PRKG1: variants seen among roughly 807,000 people sequenced by gnomAD.
PRKG1 encodes protein kinase cGMP-dependent 1.
Under a neutral mutation model 88.1 loss-of-function variants are expected in PRKG1, and 35 were observed. The observed-to-expected ratio is 0.40, with a 90% confidence interval of 0.30 to 0.53. PRKG1 has a LOEUF of 0.53. Ranked by LOEUF, PRKG1 falls within the 20% of genes least tolerant of loss-of-function variation. The pLI is 0.59. For missense variants in PRKG1, 540 were observed against 839.8 expected (o/e 0.64, Z 4.41); for synonymous variants, 303 against 292.5 (o/e 1.04, Z -0.37).
chr10:52,266,641 G>C (rs375908204), intron 10 of PRKG1, among the ~76,000 whole-genome samples: 1 of 151,816 alleles, frequency 6.6e-6, no homozygotes. Flanking sequence ...GGTTGCAGTC[G>C]GAACAAAGAA....
chr10:51,242,409 T>C (rs1328927387), intron 2 of PRKG1, among the ~76,000 whole-genome samples: 1 of 152,108 alleles, frequency 6.6e-6, no homozygotes, highest in African/African-American at 2.4e-5. Flanking sequence ...TTGGATAGGG[T>C]ATAATACTAG....
intron 5 of PRKG1, among the ~76,000 whole-genome samples, chr10:51,981,947 A>G (rs1844020948): frequency 6.6e-6 from 1 of 152,168 alleles, no homozygotes; most frequent in Non-Finnish European, 1.5e-5. Context: ...CTTCAGGGAC[A>G]CCAGTGAGTT....
intron 3 of PRKG1, among the ~76,000 whole-genome samples, chr10:51,629,218 A>G (rs1839461919): frequency 6.6e-6 from 1 of 152,038 alleles, no homozygotes; most frequent in Non-Finnish European, 1.5e-5. Context: ...TTTGAAAGTA[A>G]TTGCTCTAAA....
intron 5 of PRKG1, among the ~76,000 whole-genome samples, chr10:52,020,408 TA>T (rs1324457514): frequency 1.3e-5 from 2 of 152,124 alleles, no homozygotes; most frequent in African/African-American, 2.4e-5. Context: ...AGCAACTCCA[TA>T]AGAGTCTATA....
chr10:51,722,869 G>A (rs74476756), intron 3 of PRKG1, among the ~76,000 whole-genome samples: 2 of 152,066 alleles, frequency 1.3e-5, no homozygotes, highest in African/African-American at 2.4e-5. Flanking sequence ...TCTCAGTCTC[G>A]CAGAAAAGTT....
At chr10:51,516,492 C>T (rs1179618728) in intron 3 of PRKG1, among the ~76,000 whole-genome samples, 1 of 152,080 alleles carries the variant, frequency 6.6e-6, no homozygotes, top group Non-Finnish European at 1.5e-5. Context: ...GAAGTTCCCA[C>T]TTTGGGCCAT....
At chr10:52,286,458 G>A (rs1398564947) in intron 14 of PRKG1, among the ~76,000 whole-genome samples, 1 of 151,922 alleles carries the variant, frequency 6.6e-6, no homozygotes, top group Non-Finnish European at 1.5e-5. Flanking sequence ...AAGCATTCAG[G>A]AATAGAAAAA....
chr10:51,749,728 A>G (rs2132507028), intron 3 of PRKG1, among the ~76,000 whole-genome samples: 1 of 152,084 alleles, frequency 6.6e-6, no homozygotes, highest in South Asian at 2.1e-4. Context: ...TTCTCAATAC[A>G]TTTTTCCCAA....
intron 1 of PRKG1, among the ~76,000 whole-genome samples, chr10:51,095,862 T>A (rs1211985046): frequency 6.6e-6 from 1 of 152,166 alleles, no homozygotes; most frequent in East Asian, 1.9e-4. Flanking sequence ...TTCATTTTAT[T>A]GAAGTCATAT....
chr10:51,197,828 A>T (rs1837809653), intron 2 of PRKG1, among the ~76,000 whole-genome samples: 1 of 146,520 alleles, frequency 6.8e-6, no homozygotes, highest in Admixed American at 6.8e-5. Flanking sequence ...TGCAAAAGTA[A>T]TTGTGGTTTC....
chr10:51,327,083 CA>C lies in PRKG1; in HGVS notation c.479-140635del, dbSNP rs149476775. ...CCTAAAAAATATATAACCTAGCTCC[CA>C]AAAAGTAACATCAGTGGTTAATTGT... On this transcript the variant is annotated intron_variant, in intron 2 of 17. Transcript: ENST00000373980. Among the ~76,000 whole-genome samples the C allele has an allele frequency of 3.6e-3, 548 of 152,064 alleles. 4 individuals carry two copies. The highest frequency in any genetic ancestry group is 0.012 in the African/African-American group (496 of 41,494).
chr10:51,942,529 T>C (rs1176005374), intron 5 of PRKG1, among the ~76,000 whole-genome samples: 4 of 150,714 alleles, frequency 2.7e-5, no homozygotes, highest in African/African-American at 4.9e-5. Flanking sequence ...TCCTTGCCCA[T>C]GCCTATGTCC....
chr10:51,119,321 A>G (rs1483294925), intron 1 of PRKG1, among the ~76,000 whole-genome samples: 1 of 152,058 alleles, frequency 6.6e-6, no homozygotes, highest in Non-Finnish European at 1.5e-5. Context: ...ACTGCCTTAT[A>G]CTTTTTCCTG....
chr10:51,548,055 T>A (rs1842484383), intron 3 of PRKG1, among the ~76,000 whole-genome samples: 2 of 152,110 alleles, frequency 1.3e-5, no homozygotes, highest in Non-Finnish European at 2.9e-5. Context: ...CCTGATAACC[T>A]GCTTTGCCTA....
intron 5 of PRKG1, among the ~76,000 whole-genome samples, chr10:51,960,330 A>G (rs1291370446): frequency 2.0e-5 from 3 of 152,136 alleles, no homozygotes; most frequent in Non-Finnish European, 4.4e-5. Context: ...AAACTGGGTT[A>G]GTTTAACAGA....
intron 9 of PRKG1, among the ~76,000 whole-genome samples, chr10:52,215,239 C>T (rs1182806569): frequency 6.6e-6 from 1 of 150,872 alleles, no homozygotes; most frequent in Non-Finnish European, 1.5e-5. Context: ...TACTAAAATA[C>T]AAAAATTAGC....
intron 7 of PRKG1, among the ~76,000 whole-genome samples, chr10:52,120,902 A>G (rs1013804713): frequency 6.6e-6 from 1 of 152,064 alleles, no homozygotes; most frequent in East Asian, 1.9e-4. Context: ...TGCCTCTGTG[A>G]CAAGTTTCTG....
intron 2 of PRKG1, among the ~76,000 whole-genome samples, chr10:51,243,960 A>G (rs1246158844): frequency 6.6e-6 from 1 of 152,206 alleles, no homozygotes. Context: ...CAGAGTGTGC[A>G]GTAATTATCC....
At chr10:51,668,113 T>C (rs372886907) in intron 3 of PRKG1, among the ~76,000 whole-genome samples, 34 of 152,322 alleles carry the variant, frequency 2.2e-4, no homozygotes, top group African/African-American at 7.0e-4. Flanking sequence ...ACATTGTGCC[T>C]ACAGTTAGTG....
Sources: gnomAD v4.1 joint callset for allele counts (sites outside exome capture counted in the v4.1 genomes callset) on GRCh38, gnomAD v4.1.1 for gene constraint, MANE v1.5 for transcripts, NCBI Gene and HGNC (gene_info 2026-07-23, HGNC 2026-07-21) for gene names.